The following CASR variants were observed in gnomAD, a reference collection of about 807,000 sequenced individuals.
CASR encodes the protein extracellular calcium-sensing receptor.
A neutral mutation model predicts 69.1 loss-of-function variants in CASR; 23 were observed. The observed-to-expected ratio is 0.33, with a 90% confidence interval of 0.24 to 0.47. The LOEUF (loss-of-function observed/expected upper bound fraction) is 0.47, where lower values mean the gene tolerates loss of function less well. Ranked by LOEUF, CASR falls within the 20% of genes least tolerant of loss-of-function variation. The pLI, the probability that CASR is intolerant of heterozygous loss-of-function variation, is 1.00. For missense variants in CASR, 924 were observed against 1,356.1 expected, an observed-to-expected ratio of 0.68 and a Z score of 5.00; for synonymous variants, 541 against 544.7, an observed-to-expected ratio of 0.99 and a Z score of 0.10.
intron 2 of CASR, 34 bp from the exon 3 acceptor site, chr3:122,257,047 C>T: frequency 6.3e-7 from 1 of 1,594,282 alleles, no homozygotes. Context: ...GACTAGAAAG[C>T]TTCCCATTTT....
intron 1 of CASR, 107 bp from the exon 2 acceptor site, chr3:122,253,841 C>A (rs1159876762): frequency 1.2e-5 from 4 of 328,124 alleles, no homozygotes; most frequent in Non-Finnish European, 2.3e-5. Context: ...CAGTCTGCCA[C>A]CCCTAGGCCC....
intron 4 of CASR, among the ~76,000 whole-genome samples, chr3:122,266,544 G>A (rs950086528): frequency 6.6e-6 from 1 of 151,780 alleles, no homozygotes; most frequent in Non-Finnish European, 1.5e-5. Context: ...GTACTCCTAT[G>A]TTTGGATCTT....
chr3:122,253,101 A>T (rs1185266832), intron 1 of CASR, among the ~76,000 whole-genome samples: 1 of 152,262 alleles, frequency 6.6e-6, no homozygotes, highest in Non-Finnish European at 1.5e-5. Context: ...AAAGGCTTAC[A>T]GGGTGTCATA....
At chr3:122,283,359 G>A (rs919609530) in intron 6 of CASR, among the ~76,000 whole-genome samples, 5 of 152,210 alleles carry the variant, frequency 3.3e-5, no homozygotes, top group African/African-American at 1.2e-4. Context: ...CCTCTGGTGT[G>A]CAGGGCAGCC....
intron 4 of CASR, among the ~76,000 whole-genome samples, chr3:122,267,584 C>T (rs903747263): frequency 2.0e-5 from 3 of 152,110 alleles, no homozygotes; most frequent in African/African-American, 4.8e-5. Context: ...TTCATTTATG[C>T]GATACTCTGT....
In CASR at chr3:122,209,447, G is replaced by A. The variant is rs554218434; in HGVS notation, c.-243+25635G>A. Among the ~76,000 whole-genome samples, 32 of 152,326 alleles carry A rather than the reference G, an allele frequency of 2.1e-4. No homozygotes were observed. The South Asian group carries it at 6.4e-3, about 31-fold the overall frequency. On this transcript the variant is annotated intron_variant, in intron 1 of 6. Transcript: ENST00000639785. ...GGACTTACAGTTCCATGTGGCTGGG[G>A]AAGCCTCACAATCATGGCAAAAGGC...
rs1487596705 is a variant in CASR, at chr3:122,286,899, AG to A, written c.*1711del. The A allele has an allele frequency of 1.3e-5, 2 of 152,230 alleles. No homozygotes were observed. The highest frequency in any genetic ancestry group is 2.9e-5 in the Non-Finnish European group (2 of 68,032). The allele number at this position is 152,230 out of a possible 1,614,324, so 9.4% of individuals were successfully genotyped here. On this transcript the variant is annotated 3_prime_UTR_variant, in exon 7 of 7. Transcript: ENST00000639785. ...AAAGGGGCGCCTTTCAGTGATTTGT[AG>A]GGCAAATTGGTGGACTTGATAGTTG...
At chr3:122,222,500 C>T (rs1360067605) in intron 1 of CASR, among the ~76,000 whole-genome samples, 1 of 152,084 alleles carries the variant, frequency 6.6e-6, no homozygotes, top group Non-Finnish European at 1.5e-5. Context: ...ATAATCCTTT[C>T]TTAGTAGTAG....
Position 122,284,284 on chromosome 3 carries a change from T to C in CASR, c.2330T>C (p.Ile777Thr), listed in dbSNP as rs1223685835. The C allele has an allele frequency of 6.2e-7, 1 of 1,614,142 alleles. No individual in the cohort carries two copies. The change falls in exon 7 of 7, where the codon ATC becomes ACC. Residue 777 changes from isoleucine to threonine, a missense_variant. Physicochemically the swap from Ile to Thr is moderately conservative, Grantham distance 89. Transcript: ENST00000639785. ...EGSLMALGFL[I>T]GYTCLLAAIC... ...TCCCTCATGGCCCTGGGCTTCCTGA[T>C]CGGCTACACCTGCCTGCTGGCTGCC...
At chr3:122,233,489 G>A (rs1011489456) in intron 1 of CASR, among the ~76,000 whole-genome samples, 1 of 152,186 alleles carries the variant, frequency 6.6e-6, no homozygotes, top group Non-Finnish European at 1.5e-5. Flanking sequence ...AGGGTGTTGG[G>A]GAGTAGAGCT....
chr3:122,269,399 A>G (rs1241940452), intron 4 of CASR, among the ~76,000 whole-genome samples: 1 of 152,240 alleles, frequency 6.6e-6, no homozygotes, highest in African/African-American at 2.4e-5. Context: ...TTTTATTCCT[A>G]TATTGCCGAG....
intron 1 of CASR, among the ~76,000 whole-genome samples, chr3:122,228,437 A>C (rs1235104858): frequency 1.3e-5 from 2 of 152,230 alleles, no homozygotes; most frequent in Non-Finnish European, 2.9e-5. Context: ...TTGCACACCA[A>C]GCCTCACTTG....
At chr3:122,250,077 T>C (rs986865174) in intron 1 of CASR, among the ~76,000 whole-genome samples, 1 of 151,652 alleles carries the variant, frequency 6.6e-6, no homozygotes, top group Admixed American at 6.6e-5. Flanking sequence ...ACAAAGAAAA[T>C]AAAGCTTTTA....
At chr3:122,276,126 C>T in intron 5 of CASR, 84 bp downstream of exon 5, 1 of 862,462 alleles carries the variant, frequency 1.2e-6, no homozygotes, top group Non-Finnish European at 2.0e-6. Context: ...TTGGTTTCCC[C>T]ACTGGACTTC....
Position 122,283,845 on chromosome 3 carries a change from C to G in CASR, c.1891C>G (p.Leu631Val), listed in dbSNP as rs755874864. 6.2e-7 allele frequency: 1 copy of G among 1,614,064 alleles called. No homozygotes were observed. The highest frequency in any genetic ancestry group is 1.3e-5 in the African/African-American group (1 of 75,018). ...GGGCATTTTCCTGACAGCCTTTGTG[C>G]TGGGTGTGTTTATCAAGTTCCGCAA... The part of the protein sequence containing the change: ...VLGIFLTAFV[L>V]GVFIKFRNTP... The change falls in exon 7 of 7, where the codon CTG (leucine) becomes GTG (valine). Residue 631 changes from leucine to valine, a missense_variant. By Grantham distance (32) the Leu-to-Val change is conservative. Coordinates refer to ENST00000639785, the MANE Select transcript of CASR (RefSeq NM_000388.4).
intron 1 of CASR, among the ~76,000 whole-genome samples, chr3:122,217,426 G>A (rs1576828465): frequency 6.6e-6 from 1 of 152,252 alleles, no homozygotes; most frequent in African/African-American, 2.4e-5. Flanking sequence ...TATGAGGTAT[G>A]TAGCTGATGG....
intron 1 of CASR, among the ~76,000 whole-genome samples, chr3:122,226,624 G>A (rs2074225572): frequency 6.6e-6 from 1 of 151,712 alleles, no homozygotes; most frequent in African/African-American, 2.4e-5. Flanking sequence ...TGAGCTAGAT[G>A]CAAAAGTTCT....
At chr3:122,237,806 G>A (rs947966199) in intron 1 of CASR, among the ~76,000 whole-genome samples, 7 of 152,334 alleles carry the variant, frequency 4.6e-5, no homozygotes, top group South Asian at 4.1e-4. Flanking sequence ...AGGACATGGA[G>A]TGATAGAACT....
At chr3:122,264,401 C>G (rs1008808941) in intron 4 of CASR, among the ~76,000 whole-genome samples, 3 of 152,206 alleles carry the variant, frequency 2.0e-5, no homozygotes, top group Non-Finnish European at 4.4e-5. Flanking sequence ...TTGACCATTC[C>G]TAAGTCATGG....
Sources: gnomAD v4.1 joint callset for allele counts (sites outside exome capture counted in the v4.1 genomes callset) on GRCh38, gnomAD v4.1.1 for gene constraint, MANE v1.5 for transcripts, NCBI Gene and HGNC (gene_info 2026-07-23, HGNC 2026-07-21) for gene names.